COPG2: variants seen among roughly 807,000 people sequenced by gnomAD.
COPG2 encodes coatomer subunit gamma-2.
COPG2 carries 37 observed loss-of-function variants against 46.3 expected under a neutral mutation model. The observed-to-expected ratio is 0.80, with a 90% confidence interval of 0.61 to 1.05. COPG2 has a LOEUF of 1.05. Ranked by LOEUF, COPG2 falls within the 50% of genes least tolerant of loss-of-function variation. The pLI is 0.00. For missense variants in COPG2, 427 were observed against 387.8 expected, an observed-to-expected ratio of 1.10 and a Z score of -0.85; for synonymous variants, 159 against 129.7, an observed-to-expected ratio of 1.23 and a Z score of -1.53.
intron 20 of COPG2, among the ~76,000 whole-genome samples, chr7:130,513,308 A>AAAAATAT (rs1236511164): frequency 3.6e-5 from 2 of 55,684 alleles, no homozygotes; most frequent in Non-Finnish European, 5.9e-5. Flanking sequence ...AAAAAAAAAA[A>AAAAATAT]ATATATATAT....
intron 9 of COPG2, among the ~76,000 whole-genome samples, chr7:130,609,170 C>T (rs532054287): frequency 2.6e-5 from 4 of 152,074 alleles, no homozygotes; most frequent in African/African-American, 4.8e-5. Flanking sequence ...CATGAGCCAC[C>T]GCACCCAGCC....
At chr7:130,524,299 A>G (rs1252954855) in intron 20 of COPG2, among the ~76,000 whole-genome samples, 1 of 152,008 alleles carries the variant, frequency 6.6e-6, no homozygotes, top group Non-Finnish European at 1.5e-5. Flanking sequence ...GAGGTACCTG[A>G]GTTCACGACT....
At chr7:130,528,268 G>A (rs1799792568) in intron 20 of COPG2, among the ~76,000 whole-genome samples, 1 of 152,040 alleles carries the variant, frequency 6.6e-6, no homozygotes, top group African/African-American at 2.4e-5. Flanking sequence ...CAGGAAGAAG[G>A]TAGGAAATTC....
chr7:130,644,588 C>A (rs781947889), intron 5 of COPG2, among the ~76,000 whole-genome samples: 2 of 152,120 alleles, frequency 1.3e-5, no homozygotes, highest in Non-Finnish European at 2.9e-5. Context: ...AGTCCTTTGG[C>A]GAGAGTTAAA....
At chr7:130,597,395 T>G (rs1233894539) in intron 9 of COPG2, among the ~76,000 whole-genome samples, 4 of 152,232 alleles carry the variant, frequency 2.6e-5, no homozygotes, top group African/African-American at 9.6e-5. Context: ...GGAGGGGTTC[T>G]GGGCTCTCTC....
At chr7:130,608,461 A>G (rs782259310) in intron 9 of COPG2, among the ~76,000 whole-genome samples, 1 of 151,246 alleles carries the variant, frequency 6.6e-6, no homozygotes, top group African/African-American at 2.4e-5. Flanking sequence ...AGCTGGAAAA[A>G]CTCCTTTTAG....
chr7:130,643,586 TA>T (rs1385860881), intron 5 of COPG2, among the ~76,000 whole-genome samples: 1 of 152,140 alleles, frequency 6.6e-6, no homozygotes, highest in African/African-American at 2.4e-5. Flanking sequence ...GCCAAGCTTG[TA>T]AATTAAGCTG....
rs142609428 is a variant in COPG2 at position 130,610,070 on chromosome 7, C to G, written c.737+883G>C. ...TGGGTCATCTGTAAGTCAGCTTCTA[C>G]TGACTATTTTTTTCCCTCTTGTTTA... On this transcript the variant is annotated intron_variant, in intron 9 of 23. Coordinates refer to ENST00000425248, the MANE Select transcript of COPG2 (RefSeq NM_012133.6). 2,156 of 519,256 alleles carry G rather than the reference C, an allele frequency of 4.2e-3. 10 individuals carry two copies. The highest frequency in any genetic ancestry group is 0.013 in the Middle Eastern group (40 of 3,140). The allele number at this position is 519,256 out of a possible 1,614,324, so 32.2% of individuals were successfully genotyped here.
chr7:130,615,216 T>C (rs1275668660), intron 6 of COPG2, among the ~76,000 whole-genome samples: 5 of 152,226 alleles, frequency 3.3e-5, no homozygotes, highest in Admixed American at 6.5e-5. Context: ...GTTATGTACA[T>C]AACAGAATGC....
At chr7:130,654,859 C>T (rs530764705) in intron 4 of COPG2, among the ~76,000 whole-genome samples, 1 of 151,676 alleles carries the variant, frequency 6.6e-6, no homozygotes, top group African/African-American at 2.4e-5. Flanking sequence ...GTTTGTCCTA[C>T]ATCTCTAATT....
intron 5 of COPG2, among the ~76,000 whole-genome samples, chr7:130,633,734 T>C (rs1433310616): frequency 3.9e-5 from 6 of 152,212 alleles, no homozygotes; most frequent in African/African-American, 1.2e-4. Flanking sequence ...TTAGATCCCA[T>C]TTGTCTATTT....
chr7:130,666,974 A>G, intron 2 of COPG2, 45 bp from the exon 3 acceptor site: 9 of 1,005,454 alleles, frequency 9.0e-6, no homozygotes, highest in Non-Finnish European at 1.3e-5. Flanking sequence ...TACCTTTTCT[A>G]TCACAGATTA....
At chr7:130,608,109 T>C (rs578131317) in intron 9 of COPG2, 2 of 369,308 alleles carry the variant, frequency 5.4e-6, no homozygotes, top group South Asian at 2.2e-5. Flanking sequence ...ATTTAAGATC[T>C]ATATGTTTTA....
At chr7:130,642,515 G>A (rs997104501) in intron 5 of COPG2, among the ~76,000 whole-genome samples, 1 of 152,076 alleles carries the variant, frequency 6.6e-6, no homozygotes, top group South Asian at 2.1e-4. Context: ...ATTCTTTTGT[G>A]TCTGTTTTCT....
At chr7:130,595,474 T>A (rs1212119931) in intron 9 of COPG2, among the ~76,000 whole-genome samples, 1 of 152,190 alleles carries the variant, frequency 6.6e-6, no homozygotes, top group African/African-American at 2.4e-5. Flanking sequence ...AAAAATTAAC[T>A]ATATACTTTT....
At chr7:130,539,465 T>C (rs1240133246) in intron 20 of COPG2, among the ~76,000 whole-genome samples, 4 of 151,862 alleles carry the variant, frequency 2.6e-5, no homozygotes, top group African/African-American at 9.7e-5. Flanking sequence ...GAAGAGAAGG[T>C]GGGATAGAGA....
At chr7:130,512,573 A>G (rs1421009153) in intron 20 of COPG2, among the ~76,000 whole-genome samples, 2 of 152,080 alleles carry the variant, frequency 1.3e-5, no homozygotes, top group Non-Finnish European at 1.5e-5. Flanking sequence ...TGAGGTCAGG[A>G]GTTTGAGACC....
At chr7:130,538,987 G>C (rs905115793) in intron 20 of COPG2, among the ~76,000 whole-genome samples, 13 of 152,126 alleles carry the variant, frequency 8.5e-5, no homozygotes, top group Non-Finnish European at 1.8e-4. Context: ...CCAGAGTTTG[G>C]ATAGGATGAA....
chr7:130,578,511 G>C (rs1468569995), intron 9 of COPG2, among the ~76,000 whole-genome samples: 1 of 151,636 alleles, frequency 6.6e-6, no homozygotes, highest in African/African-American at 2.4e-5. Context: ...TGACTTTGAC[G>C]AGCTGAGAGA....
Sources: allele counts gnomAD v4.1 joint callset (sites outside exome capture counted in the v4.1 genomes callset), GRCh38; gene constraint gnomAD v4.1.1; transcripts MANE v1.5; gene names NCBI Gene and HGNC (gene_info 2026-07-23, HGNC 2026-07-21).